STK10: variants seen among roughly 807,000 people sequenced by gnomAD.
STK10 encodes the protein serine/threonine-protein kinase 10.
STK10 carries 78 observed loss-of-function variants against 113.8 expected under a neutral mutation model. The ratio of observed to expected loss-of-function variants is 0.69; its 90% CI spans 0.57 to 0.83. The LOEUF (loss-of-function observed/expected upper bound fraction) is 0.83. STK10 is among the 40% of genes least tolerant of loss of function. STK10 has a pLI of 0.00. For missense variants in STK10, 1,109 were observed against 1,280.1 expected (o/e 0.87, Z 2.04); for synonymous variants, 465 against 494.7 (o/e 0.94, Z 0.80).
chr5:172,179,162 T>G (rs1770809100), intron 1 of STK10, among the ~76,000 whole-genome samples: 1 of 152,094 alleles, frequency 6.6e-6, no homozygotes, highest in Non-Finnish European at 1.5e-5. Flanking sequence ...TCCTGAGCCC[T>G]TCCTGGGTGA....
intron 1 of STK10, among the ~76,000 whole-genome samples, chr5:172,179,687 C>T (rs1394277308): frequency 1.3e-5 from 2 of 152,216 alleles, no homozygotes; most frequent in Admixed American, 1.3e-4. Flanking sequence ...GTTAGAAACC[C>T]ACTCACAATA....
chr5:172,170,923 CG>C (rs1770656226), intron 1 of STK10, among the ~76,000 whole-genome samples: 1 of 152,146 alleles, frequency 6.6e-6, no homozygotes, highest in Non-Finnish European at 1.5e-5. Flanking sequence ...GAGAGGACTC[CG>C]GGGTCCACAG....
intron 12 of STK10, among the ~76,000 whole-genome samples, chr5:172,066,513 G>A (rs1262075014): frequency 2.6e-5 from 4 of 152,170 alleles, no homozygotes; most frequent in East Asian, 1.9e-4. Context: ...AAGGCCAGGC[G>A]GAGTGGCTCA....
At chr5:172,068,461 A>G (rs1019392823) in intron 12 of STK10, among the ~76,000 whole-genome samples, 1 of 152,230 alleles carries the variant, frequency 6.6e-6, no homozygotes, top group South Asian at 2.1e-4. Context: ...GAAAGGCTAC[A>G]TTGGAAGTTC....
chr5:172,126,380 C>T (rs1334823299), intron 3 of STK10, among the ~76,000 whole-genome samples: 1 of 152,192 alleles, frequency 6.6e-6, no homozygotes, highest in Non-Finnish European at 1.5e-5. Flanking sequence ...GCCTGGCCAA[C>T]ATGGTGAAAC....
chr5:172,176,466 C>CCACCTGGTTCGGT (rs1468376543), intron 1 of STK10, among the ~76,000 whole-genome samples: 1 of 152,176 alleles, frequency 6.6e-6, no homozygotes, highest in Non-Finnish European at 1.5e-5. Context: ...CCTCCCACAC[C>CCACCTGGTTCGGT]CACCTGGTTC....
chr5:172,057,615 C>T, intron 14 of STK10, 142 bp from the exon 15 acceptor site: 1 of 1,343,328 alleles, frequency 7.4e-7, no homozygotes, highest in Non-Finnish European at 9.9e-7. Context: ...CATGTTCTAC[C>T]TCATTAGACC....
intron 1 of STK10, among the ~76,000 whole-genome samples, chr5:172,180,933 G>A (rs1450603968): frequency 6.6e-6 from 1 of 152,252 alleles, no homozygotes; most frequent in Non-Finnish European, 1.5e-5. Flanking sequence ...ATACCAGGGA[G>A]TGATTCTGCT....
intron 2 of STK10, among the ~76,000 whole-genome samples, chr5:172,143,658 C>T (rs752077186): frequency 2.0e-5 from 3 of 152,182 alleles, no homozygotes; most frequent in South Asian, 2.1e-4. Flanking sequence ...TCTGAGCCTC[C>T]GCTGTTTTCC....
At position 172,093,070 on chromosome 5, in the gene STK10, G is replaced by A. The variant is rs1723155788; in HGVS notation, c.1554+342C>T. Among the ~76,000 whole-genome samples the A allele has an allele frequency of 6.6e-6, 1 of 152,242 alleles. No homozygotes were observed. The highest frequency in any genetic ancestry group is 6.5e-5 in the Admixed American group (1 of 15,284). Reference sequence around the variant, plus strand: ...GAGGCGGGGAAGATGGCTTTGAGCTGTTTCCTTTAGTTGGATTTACCAGTT... The same window carrying A: ...GAGGCGGGGAAGATGGCTTTGAGCTATTTCCTTTAGTTGGATTTACCAGTT... On this transcript the variant is annotated intron_variant, in intron 9 of 18. Coordinates refer to ENST00000176763, the MANE Select transcript of STK10 (RefSeq NM_005990.4). This position sits in a 1 kb window ranked among gnomAD's most constrained non-coding sequence, Gnocchi z 4.1.
chr5:172,068,123 G>A (rs1399286371), intron 12 of STK10, among the ~76,000 whole-genome samples: 3 of 152,078 alleles, frequency 2.0e-5, no homozygotes, highest in African/African-American at 4.8e-5. Flanking sequence ...GGTGGATCAC[G>A]AGGTCAGGAA....
chr5:172,071,621 T>C (rs1030934086), intron 12 of STK10, among the ~76,000 whole-genome samples: 1 of 152,130 alleles, frequency 6.6e-6, no homozygotes, highest in African/African-American at 2.4e-5. Flanking sequence ...GTACAGCTAC[T>C]ACAGCTGTGC....
chr5:172,188,209 G>T lies in STK10; in HGVS notation c.-167C>A. 8.2e-7 allele frequency: 1 copy of T among 1,212,922 alleles called. No individual in the cohort carries two copies. Among genetic ancestry groups the T allele is most frequent in the Non-Finnish European group, 1.1e-6 (1 of 924,730 alleles). The allele number at this position is 1,212,922 out of a possible 1,614,324, so 75.1% of individuals were successfully genotyped here. On this transcript the variant is annotated 5_prime_UTR_variant, in exon 1 of 19. The change creates a new upstream start codon in the 5' untranslated region. Coordinates refer to ENST00000176763, the MANE Select transcript of STK10 (RefSeq NM_005990.4). The surrounding 1 kb of genome is among the most constrained non-coding windows in gnomAD (Gnocchi z 5.6). The stretch of plus-strand genomic sequence containing the variant: ...ACCTCGGTCAAGTGTGCCCTGGGCA[G>T]CGCCGCGCCGGGAGCACCCGGAACC...
intron 12 of STK10, among the ~76,000 whole-genome samples, chr5:172,073,266 C>T (rs1405244747): frequency 6.6e-6 from 1 of 152,170 alleles, no homozygotes; most frequent in Non-Finnish European, 1.5e-5. Flanking sequence ...AATTCTCCTG[C>T]TTCAGCCTCC....
intron 1 of STK10, among the ~76,000 whole-genome samples, chr5:172,164,777 C>A (rs1166834320): frequency 6.6e-6 from 1 of 152,160 alleles, no homozygotes; most frequent in Non-Finnish European, 1.5e-5. Context: ...TGGGAGTTGG[C>A]AGGCAAGGAA....
intron 1 of STK10, among the ~76,000 whole-genome samples, chr5:172,170,606 T>C (rs901333298): frequency 6.6e-6 from 1 of 152,176 alleles, no homozygotes; most frequent in Non-Finnish European, 1.5e-5. Context: ...CAGGGAAATG[T>C]TGAGCCGCAA....
At chr5:172,183,429 T>C (rs953052610) in intron 1 of STK10, among the ~76,000 whole-genome samples, 25 of 152,154 alleles carry the variant, frequency 1.6e-4, no homozygotes, top group Non-Finnish European at 1.5e-5. Context: ...GATAAGAATT[T>C]TGAAACCATA....
At chr5:172,056,379 C>A (rs1250963521) in intron 15 of STK10, among the ~76,000 whole-genome samples, 2 of 152,204 alleles carry the variant, frequency 1.3e-5, no homozygotes, top group Non-Finnish European at 2.9e-5. Flanking sequence ...CAGACAATTC[C>A]CGCAGGAGAG....
chr5:172,084,114 T>C (rs1047199353), intron 10 of STK10, among the ~76,000 whole-genome samples: 1 of 151,684 alleles, frequency 6.6e-6, no homozygotes, highest in Admixed American at 6.6e-5. Flanking sequence ...TTAAAAATAA[T>C]AATTCAGCTG....
Sources: allele counts gnomAD v4.1 joint callset (sites outside exome capture counted in the v4.1 genomes callset), GRCh38; gene constraint gnomAD v4.1.1; non-coding constraint Gnocchi (gnomAD v3.1); transcripts MANE v1.5; gene names NCBI Gene and HGNC (gene_info 2026-07-23, HGNC 2026-07-21).